Variants in GPSM2 observed in about 807,000 individuals in gnomAD.
GPSM2 encodes G protein signaling modulator 2, also known as G protein-signaling modulator 2.
Under a neutral mutation model 78.4 loss-of-function variants are expected in GPSM2, and 58 were observed. The observed-to-expected ratio is 0.74, with a 90% CI of 0.60 to 0.92. The LOEUF is 0.92. GPSM2 is among the 40% of genes least tolerant of loss of function. GPSM2 has a pLI of 0.00. For synonymous variants in GPSM2, 224 were observed against 280.2 expected (o/e 0.80, Z 2.00); for missense variants, 700 against 815.5 (o/e 0.86, Z 1.73).
chr1:108,924,104 T>C lies in GPSM2; in HGVS notation c.1705T>C (p.Leu569=), dbSNP rs745497006. ...LDDQRASFSN[L]PGLRLTQNSQ... is the part of the protein sequence containing the mutation. The stretch of plus-strand genomic sequence containing the variant: ...TGACCAGAGGGCTAGTTTCAGTAAT[T>C]TGCCAGGGCTTCGTCTAACACAAAA... The change falls in exon 14 of 15, where the codon TTG becomes CTG. Residue 569 remains leucine, a synonymous_variant. Coordinates refer to ENST00000264126, the MANE Select transcript of GPSM2 (RefSeq NM_013296.5). The C allele has an allele frequency of 1.9e-6, 3 of 1,613,778 alleles. No homozygotes were observed. Among genetic ancestry groups the C allele is most frequent in the South Asian group, 1.1e-5 (1 of 91,078 alleles).
chr1:108,902,094 T>A, intron 8 of GPSM2, 149 bp downstream of exon 8: 1 of 635,534 alleles, frequency 1.6e-6, no homozygotes, highest in Non-Finnish European at 2.8e-6. Flanking sequence ...TATATCATTG[T>A]ATGAAGGGCT....
intron 1 of GPSM2, among the ~76,000 whole-genome samples, chr1:108,881,111 CAGTT>C (rs902957318): frequency 6.6e-6 from 1 of 152,170 alleles, no homozygotes; most frequent in Non-Finnish European, 1.5e-5. Context: ...AAATGTGAGG[CAGTT>C]AGAGTTATGT....
chr1:108,914,754 T>C (rs1650051133), intron 11 of GPSM2, among the ~76,000 whole-genome samples: 1 of 152,222 alleles, frequency 6.6e-6, no homozygotes. Context: ...TTGAATCATT[T>C]ACTATGCAAA....
At chr1:108,901,483 T>A (rs1050167345) in intron 7 of GPSM2, among the ~76,000 whole-genome samples, 14 of 152,240 alleles carry the variant, frequency 9.2e-5, no homozygotes, top group African/African-American at 3.4e-4. Flanking sequence ...AAAGTTTTTT[T>A]AAATGTTAAA....
intron 2 of GPSM2, 32 bp from the exon 3 acceptor site, chr1:108,896,832 T>C (rs778914875): frequency 6.9e-7 from 1 of 1,449,510 alleles, no homozygotes. Context: ...TGTAATGTTA[T>C]GTTTAAATGT....
chr1:108,887,247 A>T (rs920662338), intron 2 of GPSM2, among the ~76,000 whole-genome samples: 9 of 151,788 alleles, frequency 5.9e-5, no homozygotes, highest in Non-Finnish European at 1.2e-4. Flanking sequence ...GCTAATGCAA[A>T]TTTTTTTTTA....
chr1:108,894,056 A>G (rs973820424), intron 2 of GPSM2, among the ~76,000 whole-genome samples: 3 of 152,128 alleles, frequency 2.0e-5, no homozygotes, highest in Non-Finnish European at 4.4e-5. Context: ...GAAAAAAAAA[A>G]TTACATTTTT....
chr1:108,880,439 C>T (rs1447000908), intron 1 of GPSM2, among the ~76,000 whole-genome samples: 1 of 152,076 alleles, frequency 6.6e-6, no homozygotes, highest in African/African-American at 2.4e-5. Context: ...GATAAAAATA[C>T]AAAAATTAGC....
rs748349091 is a variant in GPSM2 at position 108,929,989 on chromosome 1, C to T, written c.*49C>T. On this transcript the variant is annotated 3_prime_UTR_variant, in exon 15 of 15. Transcript: ENST00000264126. ...CTTTCAAACACGGTAAGGAAACAAT[C>T]TATTACTTTTTTCCTTAAAAGGAGA... is the stretch of plus-strand genomic sequence containing the variant. The T allele has an allele frequency of 6.5e-7, 1 of 1,536,832 alleles. No homozygotes were observed. The highest frequency in any genetic ancestry group is 1.1e-5 in the South Asian group (1 of 87,996).
Position 108,896,941 on chromosome 1 carries a change from C to G in GPSM2, c.134C>G (p.Ser45Ter). Residue 45 changes from serine to a stop codon, truncating the protein, a stop_gained, in exon 3 of 15, where the codon TCA (serine) becomes TGA (stop). Coordinates refer to ENST00000264126, the MANE Select transcript of GPSM2 (RefSeq NM_013296.5). LOFTEE classifies it high-confidence loss of function. ...CKSGDCRAGV[S>*]FFEAAVQVGT... is the part of the protein sequence containing the mutation. ...TCAGGAGACTGCCGCGCTGGCGTGT[C>G]ATTCTTTGAAGCTGCAGTTCAAGTT... The G allele has an allele frequency of 6.2e-7, 1 of 1,614,116 alleles. No homozygotes were observed. The highest frequency in any genetic ancestry group is 8.5e-7 in the Non-Finnish European group (1 of 1,179,974).
In GPSM2 at chr1:108,914,417, C is replaced by A. The variant is rs1292294293; in HGVS notation, c.1263+9C>A. On this transcript the variant is annotated intron_variant, in intron 11 of 14. Transcript: ENST00000264126. ...AGTTAACACCAGAAAAGGTGGGTGGCAGGTTTTATGTTTTAAATTTCATGA... is the reference window on the plus strand; with the variant it reads ...AGTTAACACCAGAAAAGGTGGGTGGAAGGTTTTATGTTTTAAATTTCATGA... 1.9e-6 allele frequency: 3 copies of A among 1,576,650 alleles called. No individual in the cohort carries two copies. In the African/African-American group the frequency reaches 4.0e-5, roughly 21 times the overall value.
intron 7 of GPSM2, among the ~76,000 whole-genome samples, chr1:108,900,505 C>T (rs1371935813): frequency 6.6e-6 from 1 of 152,166 alleles, no homozygotes; most frequent in Non-Finnish European, 1.5e-5. Context: ...TCCCAAAGTG[C>T]TGGGATTACA....
chr1:108,933,776 G>A lies in GPSM2; in HGVS notation c.*3836G>A, dbSNP rs1570991908. 6.6e-6 allele frequency: 1 copy of A among 152,210 alleles called. No individual in the cohort carries two copies. The highest frequency in any genetic ancestry group is 1.5e-5 in the Non-Finnish European group (1 of 68,028). The allele number at this position is 152,210 out of a possible 1,614,324, so 9.4% of individuals were successfully genotyped here. A position where few individuals can be genotyped will look rare whatever the true frequency, so the allele number is the denominator to read the frequency against. ...AGTGCTGACTGATGTCCTGTCTGCAGTTAAGGAAGACACCCAACTCTCTTC... is the reference window on the plus strand; with the variant it reads ...AGTGCTGACTGATGTCCTGTCTGCAATTAAGGAAGACACCCAACTCTCTTC... On this transcript the variant is annotated 3_prime_UTR_variant, in exon 15 of 15. Coordinates refer to ENST00000264126, the MANE Select transcript of GPSM2 (RefSeq NM_013296.5).
At chr1:108,887,334 G>T (rs1353096270) in intron 2 of GPSM2, among the ~76,000 whole-genome samples, 1 of 152,144 alleles carries the variant, frequency 6.6e-6, no homozygotes, top group Non-Finnish European at 1.5e-5. Context: ...CACACAGGCA[G>T]GTGGGGGAGG....
At position 108,929,872 on chromosome 1, in the gene GPSM2, A is replaced by T. The variant is rs1183342637; in HGVS notation, c.1987A>T (p.Lys663Ter). The change falls in exon 15 of 15, where the codon AAG (lysine) becomes TAG (stop). Residue 663 changes from lysine to a stop codon, truncating the protein, a stop_gained. Transcript: ENST00000264126. LOFTEE classifies it high-confidence loss of function. ...AAACAGAGACACTGACTTTGGGCTA[A>T]AGGACTTTTTGCAAAATAATGCTTT... ...DQNRDTDFGLKDFLQNNALLE... is the reference protein window; with the variant it reads ...DQNRDTDFGL The T allele has an allele frequency of 6.2e-7, 1 of 1,613,892 alleles. No homozygotes were observed. Among genetic ancestry groups the T allele is most frequent in the African/African-American group, 1.3e-5 (1 of 74,934 alleles).
Position 108,931,489 on chromosome 1 carries a change from G to A in GPSM2, c.*1549G>A. 1 of 1,549,968 alleles carries A rather than the reference G, an allele frequency of 6.5e-7. No homozygotes were observed. ...GCTTGCTTCAGACTGTGCACAGCTGGGATGGGATCTGGGGATGTGGACCCC... is the reference window on the plus strand; with the variant it reads ...GCTTGCTTCAGACTGTGCACAGCTGAGATGGGATCTGGGGATGTGGACCCC... On this transcript the variant is annotated 3_prime_UTR_variant, in exon 15 of 15. Coordinates refer to ENST00000264126, the MANE Select transcript of GPSM2 (RefSeq NM_013296.5).
rs547967184 is a variant in GPSM2 at position 108,931,400 on chromosome 1, G to C, written c.*1460G>C. The C allele has an allele frequency of 9.7e-6, 15 of 1,548,942 alleles. No individual in the cohort carries two copies. The South Asian group carries it at 1.7e-4, about 17-fold the overall frequency. Reference sequence around the variant, plus strand: ...AGTATGGGACAGACTGGGACCTGGAGTAACACTGGATCACAGACTGCAAAG... The same window carrying C: ...AGTATGGGACAGACTGGGACCTGGACTAACACTGGATCACAGACTGCAAAG... On this transcript the variant is annotated 3_prime_UTR_variant, in exon 15 of 15. Transcript: ENST00000264126.
intron 2 of GPSM2, among the ~76,000 whole-genome samples, chr1:108,892,351 A>G (rs752954042): frequency 1.2e-4 from 18 of 152,208 alleles, no homozygotes; most frequent in Non-Finnish European, 1.8e-4. Flanking sequence ...TAAAGAGGAT[A>G]ATAGTCAAGT....
intron 2 of GPSM2, among the ~76,000 whole-genome samples, chr1:108,890,312 A>T (rs1041574995): frequency 1.3e-5 from 2 of 152,186 alleles, no homozygotes; most frequent in Admixed American, 6.5e-5. Context: ...ACGTAATAAG[A>T]TGTTTATCTG....
Sources: gnomAD v4.1 joint callset for allele counts (sites outside exome capture counted in the v4.1 genomes callset) on GRCh38, gnomAD v4.1.1 for gene constraint, MANE v1.5 for transcripts, NCBI Gene and HGNC (gene_info 2026-07-23, HGNC 2026-07-21) for gene names.